Variants in RASAL2 observed in about 807,000 individuals in gnomAD.
RASAL2 encodes the protein ras GTPase-activating protein nGAP.
In RASAL2, 58 loss-of-function variants were observed where a neutral mutation model predicts 128.9. The observed-to-expected ratio is 0.45, with a 90% CI of 0.36 to 0.56. The LOEUF (loss-of-function observed/expected upper bound fraction) is 0.56. Ranked by LOEUF, RASAL2 falls within the 20% of genes least tolerant of loss-of-function variation. The pLI is 0.00. For synonymous variants in RASAL2, 561 were observed against 580.8 expected, an observed-to-expected ratio of 0.97 and a Z score of 0.49; for missense variants, 1,360 against 1,601.6, an observed-to-expected ratio of 0.85 and a Z score of 2.57.
chr1:178,410,366 A>C (rs553539592), intron 4 of RASAL2, among the ~76,000 whole-genome samples: 72 of 152,294 alleles, frequency 4.7e-4, no homozygotes, highest in African/African-American at 1.7e-3. Flanking sequence ...TTATACAAAA[A>C]TCAACTCAAG....
Position 178,373,274 on chromosome 1 carries a change from C to CTTTTTTTTTTTTTTTTTTTTTTTTTT in RASAL2, c.458-16811_458-16810insTTTTTTTTTTTTTTTTTTTTTTTTTT, listed in dbSNP as rs60835442. On this transcript the variant is annotated intron_variant, in intron 3 of 17. Transcript: ENST00000367649. ...TCAATCTTAGCATTCTGTTTCTTTC[C>CTTTTTTTTTTTTTTTTTTTTTTTTTT]TTTTTTTTTTTTTTTGCAGTTTAGA... Among the ~76,000 whole-genome samples the CTTTTTTTTTTTTTTTTTTTTTTTTTT allele has an allele frequency of 3.5e-3, 213 of 60,012 alleles. 31 individuals are homozygous for CTTTTTTTTTTTTTTTTTTTTTTTTTT. Among genetic ancestry groups the CTTTTTTTTTTTTTTTTTTTTTTTTTT allele is most frequent in the East Asian group, 6.9e-3 (13 of 1,880 alleles). The allele number at this position is 60,012 out of a possible 152,430, so 39.4% of individuals were successfully genotyped here.
chr1:178,201,403 T>C (rs1365814903), intron 1 of RASAL2, among the ~76,000 whole-genome samples: 1 of 152,006 alleles, frequency 6.6e-6, no homozygotes, highest in Non-Finnish European at 1.5e-5. Flanking sequence ...GATACTGGAG[T>C]GGATTAGTCA....
chr1:178,265,308 G>A (rs929085310), intron 1 of RASAL2, among the ~76,000 whole-genome samples: 4 of 152,080 alleles, frequency 2.6e-5, no homozygotes, highest in African/African-American at 9.7e-5. Context: ...ACCCAGGCTG[G>A]TGTGCAGTAG....
chr1:178,170,786 T>C (rs1207466571), intron 1 of RASAL2, among the ~76,000 whole-genome samples: 1 of 151,860 alleles, frequency 6.6e-6, no homozygotes, highest in Non-Finnish European at 1.5e-5. Flanking sequence ...TCAACATAAA[T>C]GCATGTAGTC....
chr1:178,356,905 A>G (rs1670842742), intron 3 of RASAL2, among the ~76,000 whole-genome samples: 1 of 152,158 alleles, frequency 6.6e-6, no homozygotes, highest in South Asian at 2.1e-4. Context: ...TTATTTCATC[A>G]TATCTATACT....
chr1:178,438,382 T>C (rs1676394046), intron 5 of RASAL2, among the ~76,000 whole-genome samples: 1 of 152,066 alleles, frequency 6.6e-6, no homozygotes, highest in Admixed American at 6.6e-5. Context: ...ATGTGTTTTA[T>C]AAAAACAATT....
At chr1:178,444,061 T>C (rs1275133411) in intron 8 of RASAL2, among the ~76,000 whole-genome samples, 4 of 152,200 alleles carry the variant, frequency 2.6e-5, no homozygotes, top group African/African-American at 4.8e-5. Flanking sequence ...ATTATAACTT[T>C]TGTGTTTAAA....
intron 3 of RASAL2, among the ~76,000 whole-genome samples, chr1:178,318,140 G>A (rs1224607885): frequency 2.6e-5 from 4 of 152,162 alleles, no homozygotes; most frequent in African/African-American, 9.7e-5. Flanking sequence ...TAGTTGGATT[G>A]CACTGTGGTC....
chr1:178,467,983 T>G (rs1423963026), intron 17 of RASAL2, among the ~76,000 whole-genome samples: 1 of 152,178 alleles, frequency 6.6e-6, no homozygotes, highest in African/African-American at 2.4e-5. Context: ...GAGAGCATCT[T>G]TTGATAAAAC....
chr1:178,118,053 A>G (rs1327072435), intron 1 of RASAL2, among the ~76,000 whole-genome samples: 1 of 151,930 alleles, frequency 6.6e-6, no homozygotes, highest in Non-Finnish European at 1.5e-5. Flanking sequence ...AATCCCAGCT[A>G]CTTAGGAGGT....
chr1:178,118,412 C>T (rs961594906), intron 1 of RASAL2, among the ~76,000 whole-genome samples: 5 of 152,106 alleles, frequency 3.3e-5, no homozygotes, highest in African/African-American at 7.2e-5. Context: ...GCCCTGAGCT[C>T]GTTGTCGTGC....
intron 1 of RASAL2, among the ~76,000 whole-genome samples, chr1:178,183,229 A>C (rs1334245653): frequency 6.6e-6 from 1 of 152,166 alleles, no homozygotes; most frequent in African/African-American, 2.4e-5. Flanking sequence ...TTTCCCACCC[A>C]CCATCTTCAG....
intron 1 of RASAL2, among the ~76,000 whole-genome samples, chr1:178,273,114 A>G (rs2102178882): frequency 6.6e-6 from 1 of 152,326 alleles, no homozygotes; most frequent in South Asian, 2.1e-4. Flanking sequence ...TATGTTCCCA[A>G]TAGGATTGTA....
At chr1:178,166,529 C>A (rs1558091327) in intron 1 of RASAL2, among the ~76,000 whole-genome samples, 1 of 152,082 alleles carries the variant, frequency 6.6e-6, no homozygotes, top group Non-Finnish European at 1.5e-5. Context: ...GAAAAGTCAA[C>A]CAGATATATT....
At chr1:178,361,906 T>G (rs1032330301) in intron 3 of RASAL2, among the ~76,000 whole-genome samples, 1 of 152,036 alleles carries the variant, frequency 6.6e-6, no homozygotes, top group Non-Finnish European at 1.5e-5. Flanking sequence ...TCATCAGGCA[T>G]TAGATTCTCA....
chr1:178,383,937 G>C (rs565757495), intron 3 of RASAL2, among the ~76,000 whole-genome samples: 1 of 152,280 alleles, frequency 6.6e-6, no homozygotes, highest in South Asian at 2.1e-4. Flanking sequence ...ACTTGAATGG[G>C]TACACAAACA....
intron 2 of RASAL2, 105 bp from the exon 3 acceptor site, chr1:178,299,887 C>T: frequency 8.5e-7 from 1 of 1,182,744 alleles, no homozygotes; most frequent in Non-Finnish European, 1.2e-6. Flanking sequence ...CTGCCTTACT[C>T]TTTGTTACAC....
At chr1:178,387,907 T>C (rs1672676682) in intron 3 of RASAL2, among the ~76,000 whole-genome samples, 1 of 152,218 alleles carries the variant, frequency 6.6e-6, no homozygotes, top group South Asian at 2.1e-4. Context: ...TTTAATGAGT[T>C]TGTATGCCTG....
At chr1:178,444,325 C>G (rs1248295029) in intron 8 of RASAL2, among the ~76,000 whole-genome samples, 3 of 152,100 alleles carry the variant, frequency 2.0e-5, no homozygotes, top group African/African-American at 7.2e-5. Context: ...CCACTATGAT[C>G]AAGATACAGA....
Sources: allele counts gnomAD v4.1 joint callset (sites outside exome capture counted in the v4.1 genomes callset), GRCh38; gene constraint gnomAD v4.1.1; transcripts MANE v1.5; gene names NCBI Gene and HGNC (gene_info 2026-07-23, HGNC 2026-07-21).